EPHB2: variants seen among roughly 807,000 people sequenced by gnomAD.
EPHB2 encodes the protein EPH receptor B2, also known as ephrin type-B receptor 2.
A neutral mutation model predicts 96.4 loss-of-function variants in EPHB2; 18 were observed. The ratio of observed to expected loss-of-function variants is 0.19; its 90% CI spans 0.13 to 0.28. EPHB2 has a LOEUF of 0.28. Among genes scored for constraint, EPHB2 ranks in the 10% least tolerant of loss-of-function variants. EPHB2 has a pLI of 1.00. For missense variants in EPHB2, 989 were observed against 1,355.4 expected (o/e 0.73, Z 4.25); for synonymous variants, 506 against 534.1 (o/e 0.95, Z 0.72).
intron 8 of EPHB2, 60 bp downstream of exon 8, chr1:22,895,640 A>C: frequency 6.9e-7 from 1 of 1,441,274 alleles, no homozygotes; most frequent in Non-Finnish European, 9.7e-7. Context: ...CTCTCTCTCT[A>C]TTCAGTCATC....
chr1:22,722,103 A>C (rs139077514), intron 1 of EPHB2, among the ~76,000 whole-genome samples: 7 of 151,854 alleles, frequency 4.6e-5, no homozygotes, highest in African/African-American at 1.4e-4. Context: ...ATGTGCCACC[A>C]CGCCTGGCTA....
At chr1:22,779,792 G>C (rs937363739) in intron 1 of EPHB2, among the ~76,000 whole-genome samples, 2 of 152,198 alleles carry the variant, frequency 1.3e-5, no homozygotes, top group Admixed American at 6.5e-5. Flanking sequence ...CATCTCAAAT[G>C]GTTCGTATTT....
rs185607683 is a variant in EPHB2 at position 22,790,400 on chromosome 1, G to C, written c.811+5324G>C. Among the ~76,000 whole-genome samples, 8 of 152,274 alleles carry C rather than the reference G, an allele frequency of 5.3e-5. No homozygotes were observed. Among genetic ancestry groups the C allele is most frequent in the Non-Finnish European group, 1.2e-4 (8 of 68,010 alleles). On this transcript the variant is annotated intron_variant, in intron 3 of 15. Transcript: ENST00000374630. This position sits in a 1 kb window ranked among gnomAD's most constrained non-coding sequence, Gnocchi z 4.0. ...GAGCCCTGTTCCCTCCCCAACCCCA[G>C]TCCCCGCTGGGGCTTCCTGCCAGCA...
chr1:22,885,642 G>T (rs1411330260), intron 6 of EPHB2, among the ~76,000 whole-genome samples: 1 of 152,234 alleles, frequency 6.6e-6, no homozygotes, highest in Non-Finnish European at 1.5e-5. Flanking sequence ...GCAAGGATTT[G>T]TACCTATGGT....
intron 4 of EPHB2, 108 bp downstream of exon 4, chr1:22,863,300 C>T: frequency 6.4e-7 from 1 of 1,554,198 alleles, no homozygotes; most frequent in Non-Finnish European, 8.8e-7. Flanking sequence ...CAGTCTTTCC[C>T]TGGTGGGAAG....
chr1:22,889,879 G>A (rs528568213), intron 6 of EPHB2, among the ~76,000 whole-genome samples: 10 of 152,292 alleles, frequency 6.6e-5, no homozygotes, highest in African/African-American at 2.4e-4. Flanking sequence ...CCCAAATATT[G>A]CACGGGGCGT....
chr1:22,737,693 G>A (rs1324867890), intron 1 of EPHB2, among the ~76,000 whole-genome samples: 2 of 152,216 alleles, frequency 1.3e-5, no homozygotes, highest in Admixed American at 6.5e-5. Flanking sequence ...TTAAACTGGA[G>A]TGTAGAGACT....
At chr1:22,836,136 C>A (rs1291379050) in intron 3 of EPHB2, 11 of 152,224 alleles carry the variant, frequency 7.2e-5, no homozygotes, top group Admixed American at 7.2e-4. Flanking sequence ...GCAGCCTCTC[C>A]AGAGGGGCCC....
At chr1:22,727,954 A>G (rs540763125) in intron 1 of EPHB2, among the ~76,000 whole-genome samples, 5 of 152,168 alleles carry the variant, frequency 3.3e-5, no homozygotes, top group South Asian at 4.2e-4. Flanking sequence ...AGACTCAGAC[A>G]TAGTATTTAA....
intron 3 of EPHB2, among the ~76,000 whole-genome samples, chr1:22,847,485 C>A (rs1351900556): frequency 6.6e-6 from 1 of 152,108 alleles, no homozygotes; most frequent in Non-Finnish European, 1.5e-5. Flanking sequence ...GGAGGAAGGG[C>A]TCAAGACCTA....
At chr1:22,812,320 C>T (rs1372056138) in intron 3 of EPHB2, among the ~76,000 whole-genome samples, 1 of 152,230 alleles carries the variant, frequency 6.6e-6, no homozygotes, top group Non-Finnish European at 1.5e-5. Context: ...ACCTTGGGCC[C>T]ACCTGGGGAT....
At chr1:22,894,443 C>T (rs756070101) in intron 7 of EPHB2, among the ~76,000 whole-genome samples, 27 of 151,924 alleles carry the variant, frequency 1.8e-4, no homozygotes, top group Non-Finnish European at 3.2e-4. Flanking sequence ...ACTAAAACTA[C>T]AAAATCAGCT....
At chr1:22,884,281 G>A (rs568010133) in intron 6 of EPHB2, among the ~76,000 whole-genome samples, 8 of 152,278 alleles carry the variant, frequency 5.3e-5, no homozygotes, top group East Asian at 3.9e-4. Context: ...TGAGACAGGC[G>A]GATCACCTGA....
At chr1:22,789,008 G>A (rs1644654167) in intron 3 of EPHB2, among the ~76,000 whole-genome samples, 1 of 152,070 alleles carries the variant, frequency 6.6e-6, no homozygotes, top group African/African-American at 2.4e-5. Context: ...ACCTGCCTTA[G>A]CCTCCCTAAA....
At chr1:22,841,003 G>A (rs930599644) in intron 3 of EPHB2, among the ~76,000 whole-genome samples, 3 of 152,188 alleles carry the variant, frequency 2.0e-5, no homozygotes, top group African/African-American at 7.2e-5. Context: ...GGAGCTCACT[G>A]TCTGACAGAG....
At chr1:22,845,719 C>G (rs1645531885) in intron 3 of EPHB2, among the ~76,000 whole-genome samples, 1 of 152,140 alleles carries the variant, frequency 6.6e-6, no homozygotes, top group Admixed American at 6.5e-5. Context: ...TACACACACA[C>G]ACCCACACAC....
chr1:22,778,005 C>CGTTTGTTT (rs140306701), intron 1 of EPHB2, among the ~76,000 whole-genome samples: 19 of 151,710 alleles, frequency 1.3e-4, no homozygotes, highest in East Asian at 9.8e-4. Flanking sequence ...AATAAAGGTC[C>CGTTTGTTT]GTTTGTTTGT....
In EPHB2 at chr1:22,880,391, C is replaced by G. The variant is rs553110492; in HGVS notation, c.1304-1968C>G. Among the ~76,000 whole-genome samples, 26 of 152,354 alleles carry G rather than the reference C, an allele frequency of 1.7e-4. No homozygotes were observed. In the East Asian group the frequency reaches 4.3e-3, roughly 25 times the overall value. ...TAGGAGAAGTGTCAGCCTCCACTTT[C>G]CAGTGTCCTTGTATTGGCTGAGACA... is the stretch of plus-strand genomic sequence containing the variant. On this transcript the variant is annotated intron_variant, in intron 5 of 15. Coordinates refer to ENST00000374630, the MANE Select transcript of EPHB2 (RefSeq NM_017449.5).
intron 1 of EPHB2, among the ~76,000 whole-genome samples, chr1:22,778,145 C>T (rs1314972112): frequency 6.6e-6 from 1 of 152,120 alleles, no homozygotes; most frequent in Non-Finnish European, 1.5e-5. Context: ...CATGCCTCAG[C>T]CTCCAGGGTA....
Sources: gnomAD v4.1 joint callset for allele counts (sites outside exome capture counted in the v4.1 genomes callset) on GRCh38, gnomAD v4.1.1 for gene constraint, Gnocchi (gnomAD v3.1) non-coding constraint, MANE v1.5 for transcripts, NCBI Gene and HGNC (gene_info 2026-07-23, HGNC 2026-07-21) for gene names.